Variants in JMJD1C observed in about 807,000 individuals in gnomAD.
JMJD1C encodes the protein jumonji domain-containing protein 1C.
Under a neutral mutation model 245.3 loss-of-function variants are expected in JMJD1C, and 31 were observed. The observed-to-expected ratio is 0.13, with a 90% confidence interval of 0.09 to 0.17. The LOEUF is 0.17. JMJD1C is among the 10% of genes least tolerant of loss of function. The pLI, the probability that JMJD1C is intolerant of heterozygous loss-of-function variation, is 1.00. For synonymous variants in JMJD1C, 1,057 were observed against 1,017.4 expected (o/e 1.04, Z -0.74); for missense variants, 2,691 against 3,000.2 (o/e 0.90, Z 2.41).
chr10:63,203,280 A>G (rs1424893416), intron 10 of JMJD1C: 2 of 978,642 alleles, frequency 2.0e-6, no homozygotes, highest in Non-Finnish European at 2.4e-6. Context: ...TTTACTGGCA[A>G]TATATAAAAC....
intron 1 of JMJD1C, among the ~76,000 whole-genome samples, chr10:63,392,908 AC>A (rs1401699772): frequency 6.7e-6 from 1 of 148,154 alleles, no homozygotes; most frequent in Non-Finnish European, 1.5e-5. Context: ...ACACACACAC[AC>A]GTGAGCAAAG....
chr10:63,212,022 G>A (rs1847424246), intron 8 of JMJD1C, among the ~76,000 whole-genome samples: 2 of 152,004 alleles, frequency 1.3e-5, no homozygotes, highest in South Asian at 2.1e-4. Context: ...GTCACATGTT[G>A]CAACATGGAT....
intron 2 of JMJD1C, among the ~76,000 whole-genome samples, chr10:63,315,014 CACGAT>C (rs1317183136): frequency 6.8e-6 from 1 of 147,376 alleles, no homozygotes; most frequent in Non-Finnish European, 1.5e-5. Context: ...AGTGCAGCAG[CACGAT>C]CTTGGCTCAG....
chr10:63,450,053 CAA>C (rs1455889569), intron 1 of JMJD1C, among the ~76,000 whole-genome samples: 1 of 151,980 alleles, frequency 6.6e-6, no homozygotes, highest in African/African-American at 2.4e-5. Context: ...GTCCGGGCTA[CAA>C]TGAGCTGTGA....
upstream of JMJD1C, among the ~76,000 whole-genome samples, chr10:63,469,591 G>A (rs1257173372): frequency 6.6e-6 from 1 of 152,148 alleles, no homozygotes; most frequent in Admixed American, 6.5e-5. Flanking sequence ...CTTTATCCTT[G>A]AGAAGCTCAC....
rs182143794 is a variant in JMJD1C at position 63,215,024 on chromosome 10, T to C, written c.1143A>G (p.Ser381=). 2.0e-5 allele frequency: 32 copies of C among 1,604,684 alleles called. No homozygotes were observed. In the Admixed American group the frequency reaches 2.5e-4, roughly 13 times the overall value. The stretch of plus-strand genomic sequence containing the variant: ...CTATTATTCTCTTATTTGAATTTTC[T>C]GAGTCACTGCTCTCAGAAAAGTCTG... ...NVSDFSESSD[S]ENSNKRIIDN... Residue 381 remains serine, a synonymous_variant, in exon 8 of 26, where the codon TCA becomes TCG. Coordinates refer to ENST00000399262, the MANE Select transcript of JMJD1C (RefSeq NM_032776.3).
At chr10:63,361,538 T>C (rs1395494929) in intron 2 of JMJD1C, among the ~76,000 whole-genome samples, 2 of 151,944 alleles carry the variant, frequency 1.3e-5, no homozygotes, top group African/African-American at 2.4e-5. Flanking sequence ...GAAGTGTCTC[T>C]GGGGTTTGAC....
intron 1 of JMJD1C, among the ~76,000 whole-genome samples, chr10:63,454,891 T>G (rs1373297541): frequency 6.6e-6 from 1 of 152,236 alleles, no homozygotes; most frequent in African/African-American, 2.4e-5. Flanking sequence ...TGTCAGAATC[T>G]AGAAGCTTCA....
At position 63,214,009 on chromosome 10, in the gene JMJD1C, T is replaced by C. The variant is rs368602753; in HGVS notation, c.2158A>G (p.Ile720Val). Residue 720 changes from isoleucine to valine, a missense_variant, in exon 8 of 26, where the codon ATT (isoleucine) becomes GTT (valine). Ile to Val is a conservative substitution (Grantham distance 29). This residue lies in a region of JMJD1C where 1,562 missense variants were observed against 1,490.7 expected (regional missense o/e 1.05). Coordinates refer to ENST00000399262, the MANE Select transcript of JMJD1C (RefSeq NM_032776.3). ...HFTVYRDPAL[I>V]GSETGANHIS... Reference sequence around the variant, plus strand: ...TGATTAGCTCCTGTTTCTGACCCAATAAGTGCAGGATCTCTGTAAACTGTA... The same window carrying C: ...TGATTAGCTCCTGTTTCTGACCCAACAAGTGCAGGATCTCTGTAAACTGTA... The C allele has an allele frequency of 9.9e-6, 16 of 1,614,200 alleles. No homozygotes were observed. The East Asian group carries it at 1.8e-4, about 18-fold the overall frequency.
chr10:63,277,895 CCTGT>C (rs1035821672), intron 2 of JMJD1C, among the ~76,000 whole-genome samples: 12 of 151,736 alleles, frequency 7.9e-5, no homozygotes, highest in African/African-American at 2.2e-4. Context: ...CGCCACCACG[CCTGT>C]CTAACTTTTC....
intron 2 of JMJD1C, among the ~76,000 whole-genome samples, chr10:63,326,604 GCA>G (rs1941548742): frequency 6.6e-6 from 1 of 150,412 alleles, no homozygotes; most frequent in South Asian, 2.1e-4. Flanking sequence ...GCTGGGCCAG[GCA>G]CAGTGGCTCA....
chr10:63,264,806 A>G lies in JMJD1C; in HGVS notation c.334-42T>C, dbSNP rs754717001. ...AATTTCTAATGATAATTTTCTGGGTAGTATCCTGAAATTATGAAGGAACAC... is the reference window on the plus strand; with the variant it reads ...AATTTCTAATGATAATTTTCTGGGTGGTATCCTGAAATTATGAAGGAACAC... On this transcript the variant is annotated intron_variant, in intron 2 of 25. Coordinates refer to ENST00000399262, the MANE Select transcript of JMJD1C (RefSeq NM_032776.3). 29 of 895,704 alleles carry G rather than the reference A, an allele frequency of 3.2e-5. No homozygotes were observed. In the African/African-American group the frequency reaches 4.0e-4, roughly 12 times the overall value. The allele number at this position is 895,704 out of a possible 1,614,324, so 55.5% of individuals were successfully genotyped here.
chr10:63,380,167 C>A, intron 2 of JMJD1C, 151 bp downstream of exon 2: 3 of 654,734 alleles, frequency 4.6e-6, no homozygotes, highest in East Asian at 3.0e-5. Flanking sequence ...TGATCTCCAA[C>A]TCCTGGCTTC....
chr10:63,462,384 A>T (rs1952854883), intron 1 of JMJD1C, among the ~76,000 whole-genome samples: 1 of 152,220 alleles, frequency 6.6e-6, no homozygotes, highest in Non-Finnish European at 1.5e-5. Context: ...ATTAAATTAT[A>T]TATGTTCATA....
At chr10:63,378,453 G>A (rs768304283) in intron 2 of JMJD1C, among the ~76,000 whole-genome samples, 4 of 151,918 alleles carry the variant, frequency 2.6e-5, no homozygotes, top group Non-Finnish European at 4.4e-5. Flanking sequence ...TTAACCGGGC[G>A]TGGTGGCAGG....
At chr10:63,440,931 A>G (rs997495329) in intron 1 of JMJD1C, among the ~76,000 whole-genome samples, 26 of 152,214 alleles carry the variant, frequency 1.7e-4, no homozygotes, top group Non-Finnish European at 3.7e-4. Context: ...GTTAAATCAT[A>G]CAAGTTAACA....
intron 23 of JMJD1C, 107 bp downstream of exon 23, chr10:63,177,610 A>C (rs1189885293): frequency 3.3e-6 from 4 of 1,207,540 alleles, no homozygotes; most frequent in Non-Finnish European, 4.7e-6. Context: ...CTTTGAAGTA[A>C]AAATTATGTA....
At chr10:63,432,846 C>G (rs937333443) in intron 1 of JMJD1C, among the ~76,000 whole-genome samples, 1 of 152,006 alleles carries the variant, frequency 6.6e-6, no homozygotes, top group Admixed American at 6.6e-5. Flanking sequence ...AGAAATTCAC[C>G]GACTGAATAC....
chr10:63,373,685 A>T (rs1306209520), intron 2 of JMJD1C, among the ~76,000 whole-genome samples: 11 of 152,216 alleles, frequency 7.2e-5, no homozygotes, highest in Admixed American at 6.5e-4. Context: ...TTAAAGACAA[A>T]GTATTAGTTT....
Sources: gnomAD v4.1 joint callset for allele counts (sites outside exome capture counted in the v4.1 genomes callset) on GRCh38, gnomAD v4.1.1 for gene constraint, gnomAD v4.1.1 regional missense constraint, MANE v1.5 for transcripts, NCBI Gene and HGNC (gene_info 2026-07-23, HGNC 2026-07-21) for gene names.